CLUL1: variants seen among roughly 807,000 people sequenced by gnomAD.
The protein encoded by CLUL1 is clusterin like 1, also known as clusterin-like protein 1.
CLUL1 carries 43 observed loss-of-function variants against 49.4 expected under a neutral mutation model. The observed-to-expected ratio is 0.87, with a 90% CI of 0.68 to 1.12. The LOEUF (loss-of-function observed/expected upper bound fraction) is 1.12. CLUL1 is among the 50% of genes most tolerant of loss of function. The pLI, the probability that CLUL1 is intolerant of heterozygous loss-of-function variation, is 0.00. For missense variants in CLUL1, 486 were observed against 544.4 expected, an observed-to-expected ratio of 0.89 and a Z score of 1.07; for synonymous variants, 192 against 184.9, an observed-to-expected ratio of 1.04 and a Z score of -0.31.
At chr18:625,125 G>T in intron 5 of CLUL1, 93 bp downstream of exon 5, 1 of 1,300,664 alleles carries the variant, frequency 7.7e-7, no homozygotes, top group East Asian at 2.5e-5. Context: ...TTAGAACGGA[G>T]ATGCCTGATC....
rs546312148 is a variant in CLUL1, at chr18:617,426, C to T, written c.-13-562C>T. 3.9e-5 allele frequency among the ~76,000 whole-genome samples: 6 copies of T among 152,094 alleles called. No individual in the cohort carries two copies. In the South Asian group the frequency reaches 1.2e-3, roughly 32 times the overall value. ...CCTGACCCACATGGAGAAACTCCAT[C>T]TCTACTAAAAATACAAAATTAACCG... On this transcript the variant is annotated intron_variant, in intron 2 of 9. Transcript: ENST00000692774.
At chr18:619,501 A>C in intron 4 of CLUL1, 140 bp downstream of exon 4, 1 of 831,924 alleles carries the variant, frequency 1.2e-6, no homozygotes, top group South Asian at 2.3e-5. Flanking sequence ...GAAAAGTTTA[A>C]GGGAAGCTTC....
chr18:614,330 G>A (rs374165667), intron 2 of CLUL1, among the ~76,000 whole-genome samples: 56 of 73,388 alleles, frequency 7.6e-4, no homozygotes, highest in African/African-American at 1.7e-3. Context: ...AGGGAAGGAA[G>A]GGAGGGAAGG....
intron 5 of CLUL1, among the ~76,000 whole-genome samples, chr18:626,825 C>T (rs570606529): frequency 3.1e-4 from 44 of 143,460 alleles, no homozygotes; most frequent in Non-Finnish European, 4.7e-4. Flanking sequence ...GGTGCCATTG[C>T]ACTCCAGCCT....
intron 2 of CLUL1, among the ~76,000 whole-genome samples, chr18:609,284 G>C (rs1199206405): frequency 6.6e-6 from 1 of 152,118 alleles, no homozygotes; most frequent in African/African-American, 2.4e-5. Flanking sequence ...TCCTGATTCC[G>C]AATTTATACG....
At chr18:612,172 A>C (rs1259197161) in intron 2 of CLUL1, among the ~76,000 whole-genome samples, 2 of 152,252 alleles carry the variant, frequency 1.3e-5, no homozygotes, top group African/African-American at 4.8e-5. Flanking sequence ...GGACAACAAC[A>C]GTGGCCTTTT....
rs748719930 is a variant in CLUL1 at position 619,213 on chromosome 18, GT to G, written c.112del (p.Ser38LeufsTer6). On this transcript the variant is annotated frameshift_variant and splice_region_variant, in exon 4 of 10. Transcript: ENST00000692774. LOFTEE classifies it high-confidence loss of function. ...DKTAISENLK[S>X]FSEVGEIDAD... ...GAAAAAATTGCCACATGTCTTTTAG[GT>G]TTTTCTGAGGTGGGGGAGATAGATG... 6.2e-7 allele frequency: 1 copy of G among 1,610,506 alleles called. No homozygotes were observed. The highest frequency in any genetic ancestry group is 1.1e-5 in the South Asian group (1 of 90,310).
chr18:635,766 C>T (rs1042478502), intron 7 of CLUL1, among the ~76,000 whole-genome samples: 2 of 152,156 alleles, frequency 1.3e-5, no homozygotes, highest in African/African-American at 2.4e-5. Context: ...TTGTTACAAC[C>T]GTTTCTGTCG....
At chr18:632,245 T>C (rs2074011724) in intron 6 of CLUL1, among the ~76,000 whole-genome samples, 1 of 152,206 alleles carries the variant, frequency 6.6e-6, no homozygotes, top group Non-Finnish European at 1.5e-5. Context: ...TGATTGGCTT[T>C]AGATATTTTC....
At chr18:604,693 C>G (rs937645355) in intron 1 of CLUL1, among the ~76,000 whole-genome samples, 39 of 152,170 alleles carry the variant, frequency 2.6e-4, no homozygotes, top group African/African-American at 8.4e-4. Context: ...TCAGTTAGGT[C>G]TGTGTTCTTA....
At chr18:634,603 C>T (rs2074089630) in intron 7 of CLUL1, among the ~76,000 whole-genome samples, 1 of 152,062 alleles carries the variant, frequency 6.6e-6, no homozygotes, top group Non-Finnish European at 1.5e-5. Context: ...CAAAAAGAAC[C>T]CCTGCCCCCA....
intron 2 of CLUL1, among the ~76,000 whole-genome samples, chr18:615,936 C>T (rs1214684474): frequency 2.0e-5 from 3 of 152,150 alleles, no homozygotes; most frequent in African/African-American, 4.8e-5. Flanking sequence ...CGTCATAGGG[C>T]GCCTAAAAGG....
chr18:617,422 C>A (rs1260606282), intron 2 of CLUL1, among the ~76,000 whole-genome samples: 1 of 151,926 alleles, frequency 6.6e-6, no homozygotes, highest in African/African-American at 2.4e-5. Context: ...TGGAGAAACT[C>A]CATCTCTACT....
chr18:607,117 C>A lies in CLUL1; in HGVS notation c.-14+18C>A, dbSNP rs1023677528. On this transcript the variant is annotated intron_variant, in intron 2 of 9. Coordinates refer to ENST00000692774, the MANE Select transcript of CLUL1 (RefSeq NM_001393344.1). Reference sequence around the variant, plus strand: ...GACTACAGGTATGCACCGCTATACCCGTCTATCTTTTATTTATTTATTTAT... The same window carrying A: ...GACTACAGGTATGCACCGCTATACCAGTCTATCTTTTATTTATTTATTTAT... 1 of 701,338 alleles carries A rather than the reference C, an allele frequency of 1.4e-6. No individual in the cohort carries two copies. The highest frequency in any genetic ancestry group is 2.6e-6 in the Non-Finnish European group (1 of 384,566). 43.4% of individuals were successfully genotyped at this position (701,338 alleles called of 1,614,324 possible).
In CLUL1 at chr18:644,913, G is replaced by A. The variant is rs760137234; in HGVS notation, c.1213G>A (p.Val405Ile). The change falls in exon 9 of 10, where the codon GTT (valine) becomes ATT (isoleucine). Residue 405 changes from valine (V) to isoleucine (I), a missense_variant. Val to Ile is a conservative substitution (Grantham distance 29, BLOSUM62 3). Transcript: ENST00000692774. ...TEIIFNSIQV[V>I]PRIHEGNISK... ...CTGTATAATCCTTCTTCTGTAGGTA[G>A]TTCCAAGGATTCATGAAGGAAATAT... 1 of 1,607,974 alleles carries A rather than the reference G, an allele frequency of 6.2e-7. No homozygotes were observed. Among genetic ancestry groups the A allele is most frequent in the South Asian group, 1.1e-5 (1 of 90,104 alleles).
chr18:645,952 A>C (rs1169604175), intron 9 of CLUL1, among the ~76,000 whole-genome samples: 1 of 150,370 alleles, frequency 6.7e-6, no homozygotes, highest in Non-Finnish European at 1.5e-5. Flanking sequence ...ATATTCAAAA[A>C]ATTTAAATAA....
In CLUL1 at chr18:618,523, C is replaced by T. The variant is rs1415757993; in HGVS notation, c.106+417C>T. ...TATAATTACGTTGAATCTGGTTGTT[C>T]TGTGGCCATTAACTTGCAACTTTGC... On this transcript the variant is annotated intron_variant, in intron 3 of 9. Coordinates refer to ENST00000692774, the MANE Select transcript of CLUL1 (RefSeq NM_001393344.1). The surrounding 1 kb of genome is among the most constrained non-coding windows in gnomAD (Gnocchi z 4.2). 2.5e-4 allele frequency among the ~76,000 whole-genome samples: 38 copies of T among 152,318 alleles called. No individual in the cohort carries two copies. Among genetic ancestry groups the T allele is most frequent in the Non-Finnish European group, 2.9e-5 (2 of 68,038 alleles).
rs766611664 is a variant in CLUL1 at position 617,923 on chromosome 18, A to T, written c.-13-65A>T. Reference sequence around the variant, plus strand: ...ATGCTTTGGAGCCCCAGGTGTTTTCAATTGATGCCAACAGAAACTAACCAA... The same window carrying T: ...ATGCTTTGGAGCCCCAGGTGTTTTCTATTGATGCCAACAGAAACTAACCAA... On this transcript the variant is annotated intron_variant, in intron 2 of 9. Coordinates refer to ENST00000692774, the MANE Select transcript of CLUL1 (RefSeq NM_001393344.1). The T allele has an allele frequency of 1.9e-4, 269 of 1,390,192 alleles. 1 individual carries two copies. The highest frequency in any genetic ancestry group is 2.6e-4 in the Non-Finnish European group (262 of 995,556). The allele number at this position is 1,390,192 out of a possible 1,614,324, so 86.1% of individuals were successfully genotyped here.
chr18:624,975 T>C lies in CLUL1; in HGVS notation c.366T>C (p.Asn122=). 6.2e-7 allele frequency: 1 copy of C among 1,614,130 alleles called. No homozygotes were observed. Among genetic ancestry groups the C allele is most frequent in the Non-Finnish European group, 8.5e-7 (1 of 1,180,002 alleles). Residue 122 remains asparagine, a synonymous_variant, in exon 5 of 10, where the codon AAT becomes AAC. Coordinates refer to ENST00000692774, the MANE Select transcript of CLUL1 (RefSeq NM_001393344.1). The part of the protein sequence containing the change: ...SWGECRSCLE[N]NCMRIYTTCQ... ...GTGAATGCAGGTCTTGCCTGGAAAA[T>C]AACTGCATGAGAATTTATACAACCT...
Sources: gnomAD v4.1 joint callset for allele counts (sites outside exome capture counted in the v4.1 genomes callset) on GRCh38, gnomAD v4.1.1 for gene constraint, Gnocchi (gnomAD v3.1) non-coding constraint, MANE v1.5 for transcripts, NCBI Gene and HGNC (gene_info 2026-07-23, HGNC 2026-07-21) for gene names.